Variants in SCARA5 observed in about 807,000 individuals in gnomAD.
The protein encoded by SCARA5 is scavenger receptor class A, member 5 (putative).
A neutral mutation model predicts 46.3 loss-of-function variants in SCARA5; 45 were observed. The ratio of observed to expected loss-of-function variants is 0.97; its 90% CI spans 0.76 to 1.24. The LOEUF (loss-of-function observed/expected upper bound fraction) is 1.24. Ranked by LOEUF, SCARA5 falls within the 50% of genes most tolerant of loss-of-function variation. The pLI is 0.00. For synonymous variants in SCARA5, 333 were observed against 306.5 expected (o/e 1.09, Z -0.90); for missense variants, 680 against 689.0 (o/e 0.99, Z 0.15).
intron 3 of SCARA5, among the ~76,000 whole-genome samples, chr8:27,949,222 A>G (rs1265834985): frequency 6.6e-6 from 1 of 152,268 alleles, no homozygotes; most frequent in Non-Finnish European, 1.5e-5. Flanking sequence ...TTTCCTCAGT[A>G]GAAGCCAGGT....
chr8:27,917,107 T>G (rs1164988998), intron 4 of SCARA5, among the ~76,000 whole-genome samples: 1 of 152,216 alleles, frequency 6.6e-6, no homozygotes, highest in Non-Finnish European at 1.5e-5. Context: ...GTCCTAGAAC[T>G]GTGAGCAATA....
At chr8:27,952,198 C>T (rs1388606320) in intron 3 of SCARA5, among the ~76,000 whole-genome samples, 1 of 152,078 alleles carries the variant, frequency 6.6e-6, no homozygotes, top group East Asian at 1.9e-4. Flanking sequence ...GCTGGCACCC[C>T]CAGAAGCTGG....
chr8:27,875,206 C>T, intron 8 of SCARA5, among the ~76,000 whole-genome samples: 1 of 94,028 alleles, frequency 1.1e-5, no homozygotes, highest in Non-Finnish European at 2.8e-5. Flanking sequence ...TTCACTCCTC[C>T]CTCCCTCCCT....
chr8:27,881,319 A>G (rs1585460700), intron 7 of SCARA5, among the ~76,000 whole-genome samples: 4 of 152,252 alleles, frequency 2.6e-5, no homozygotes, highest in Admixed American at 2.6e-4. Context: ...AGCGGATTGA[A>G]TAAAGAAAAT....
intron 4 of SCARA5, among the ~76,000 whole-genome samples, chr8:27,912,154 G>T (rs1293365314): frequency 6.6e-6 from 1 of 152,136 alleles, no homozygotes. Flanking sequence ...GCTTTGTTAT[G>T]GCAGCCCCAG....
intron 3 of SCARA5, among the ~76,000 whole-genome samples, chr8:27,932,484 A>C (rs1195950554): frequency 6.6e-6 from 1 of 152,232 alleles, no homozygotes. Flanking sequence ...ACAAACGTTT[A>C]TGGTTTTGCA....
chr8:27,922,210 C>A lies in SCARA5; in HGVS notation c.277G>T (p.Ala93Ser). ...AGCCGGTTCACATTGCGAGTCAGGG[C>A]CTTCAGGTCGTCAGGGGAGCTGCGC... ...RPRSSPDDLK[A>S]LTRNVNRLNE... Residue 93 changes from alanine to serine, a missense_variant, in exon 4 of 9, where the codon GCC becomes TCC. Transcript: ENST00000354914. 6.3e-7 allele frequency: 1 copy of A among 1,587,752 alleles called. No homozygotes were observed. Among genetic ancestry groups the A allele is most frequent in the Non-Finnish European group, 8.6e-7 (1 of 1,165,766 alleles).
chr8:27,991,297 G>A (rs1448687956), intron 1 of SCARA5, among the ~76,000 whole-genome samples: 2 of 152,194 alleles, frequency 1.3e-5, no homozygotes, highest in Non-Finnish European at 2.9e-5. Flanking sequence ...ACTCAGGGGA[G>A]CTGGTGGCAG....
chr8:27,983,103 G>A (rs1808649270), intron 2 of SCARA5, among the ~76,000 whole-genome samples: 2 of 152,140 alleles, frequency 1.3e-5, no homozygotes, highest in Admixed American at 1.3e-4. Flanking sequence ...GTGGCTGCAG[G>A]GAGCTCCTTT....
chr8:27,897,664 T>C (rs1000546331), intron 7 of SCARA5, among the ~76,000 whole-genome samples: 2 of 144,736 alleles, frequency 1.4e-5, no homozygotes, highest in South Asian at 4.9e-4. Flanking sequence ...CGCAGAGAAG[T>C]GGAGACACAG....
At chr8:27,933,623 T>C (rs1373299019) in intron 3 of SCARA5, among the ~76,000 whole-genome samples, 4 of 152,110 alleles carry the variant, frequency 2.6e-5, no homozygotes, top group Non-Finnish European at 5.9e-5. Flanking sequence ...TATAAACTTA[T>C]ATAACTTTTT....
At chr8:27,975,605 T>C (rs1483422149) in intron 2 of SCARA5, among the ~76,000 whole-genome samples, 3 of 152,224 alleles carry the variant, frequency 2.0e-5, no homozygotes, top group Non-Finnish European at 2.9e-5. Flanking sequence ...CACTGCAGAA[T>C]TGGCTGTTGA....
At chr8:27,873,092 T>C (rs1479773282) in intron 8 of SCARA5, among the ~76,000 whole-genome samples, 2 of 152,188 alleles carry the variant, frequency 1.3e-5, no homozygotes, top group South Asian at 2.1e-4. Context: ...TTAGAACTGA[T>C]AGCTGATTAC....
At chr8:27,968,300 A>G (rs1417029265) in intron 2 of SCARA5, among the ~76,000 whole-genome samples, 1 of 152,238 alleles carries the variant, frequency 6.6e-6, no homozygotes, top group African/African-American at 2.4e-5. Context: ...TAATATTTCC[A>G]TAAGACATTG....
At chr8:27,877,906 T>C (rs760044133) in intron 8 of SCARA5, among the ~76,000 whole-genome samples, 2 of 152,206 alleles carry the variant, frequency 1.3e-5, no homozygotes, top group Admixed American at 6.5e-5. Context: ...AGCAGCCCCT[T>C]ATGGGGATGA....
At chr8:27,952,380 T>C (rs1808141930) in intron 3 of SCARA5, among the ~76,000 whole-genome samples, 1 of 151,960 alleles carries the variant, frequency 6.6e-6, no homozygotes, top group Non-Finnish European at 1.5e-5. Context: ...GGGTGGTTGT[T>C]TTCTGACCAT....
chr8:27,973,198 C>T (rs1246337462), intron 2 of SCARA5, among the ~76,000 whole-genome samples: 15 of 152,040 alleles, frequency 9.9e-5, no homozygotes, highest in African/African-American at 3.6e-4. Context: ...AAGCTGGGGC[C>T]GGGTGTAGTG....
Position 27,907,656 on chromosome 8 carries a change from G to A in SCARA5, c.998-410C>T, listed in dbSNP as rs558284878. Among the ~76,000 whole-genome samples, 6 of 137,626 alleles carry A rather than the reference G, an allele frequency of 4.4e-5. No individual in the cohort carries two copies. In the East Asian group the frequency reaches 1.3e-3, roughly 30 times the overall value. The allele number at this position is 137,626 out of a possible 152,430, so 90.3% of individuals were successfully genotyped here. ...ACGATCTCGGCTCACTACAACCTCC[G>A]CCTCCTAGGTTCAGGCAATCCTCCC... On this transcript the variant is annotated intron_variant, in intron 5 of 8. Transcript: ENST00000354914.
At chr8:27,896,586 T>G (rs2685373) in intron 7 of SCARA5, among the ~76,000 whole-genome samples, 7,743 of 152,046 alleles carry the variant, frequency 0.051, 211 homozygotes, top group Middle Eastern at 0.088. Flanking sequence ...CCGGGGTGGT[T>G]GCCTCTCAAT....
Sources: allele counts gnomAD v4.1 joint callset (sites outside exome capture counted in the v4.1 genomes callset), GRCh38; gene constraint gnomAD v4.1.1; transcripts MANE v1.5; gene names NCBI Gene and HGNC (gene_info 2026-07-23, HGNC 2026-07-21).